The following GALNT1 variants were observed in gnomAD, a reference collection of about 807,000 sequenced individuals.
The protein encoded by GALNT1 is GalNAc transferase 1.
GALNT1 carries 17 observed loss-of-function variants against 65.7 expected under a neutral mutation model. The observed-to-expected ratio is 0.26, with a 90% CI of 0.18 to 0.39. GALNT1 has a LOEUF of 0.39. Among genes scored for constraint, GALNT1 ranks in the 10% least tolerant of loss-of-function variants. The pLI is 1.00. For synonymous variants in GALNT1, 210 were observed against 219.7 expected, an observed-to-expected ratio of 0.96 and a Z score of 0.39; for missense variants, 460 against 672.8, an observed-to-expected ratio of 0.68 and a Z score of 3.50.
At chr18:35,679,041 A>G (rs538173582) in intron 4 of GALNT1, among the ~76,000 whole-genome samples, 46 of 152,342 alleles carry the variant, frequency 3.0e-4, no homozygotes, top group Non-Finnish European at 5.9e-4. Context: ...TTTAAATAGT[A>G]TAATACATTA....
At chr18:35,696,338 AC>A (rs1317673553) in intron 9 of GALNT1, among the ~76,000 whole-genome samples, 1 of 152,216 alleles carries the variant, frequency 6.6e-6, no homozygotes, top group Non-Finnish European at 1.5e-5. Context: ...GTCCAGGGAA[AC>A]CTGAAATCAT....
At chr18:35,700,224 T>A (rs1223865168) in intron 9 of GALNT1, among the ~76,000 whole-genome samples, 1 of 152,218 alleles carries the variant, frequency 6.6e-6, no homozygotes, top group African/African-American at 2.4e-5. Flanking sequence ...GGGACCCACC[T>A]GGAGAGCAGA....
chr18:35,598,014 C>A (rs200685666), intron 1 of GALNT1, among the ~76,000 whole-genome samples: 3 of 68,852 alleles, frequency 4.4e-5, no homozygotes, highest in African/African-American at 1.1e-4. Flanking sequence ...CTCCCCTCCC[C>A]TCCCCTCCAA....
chr18:35,704,293 G>T (rs1006168053), intron 11 of GALNT1, among the ~76,000 whole-genome samples: 14 of 148,592 alleles, frequency 9.4e-5, no homozygotes, highest in Non-Finnish European at 8.9e-5. Context: ...AAGGCATTTA[G>T]TGCCACTAAA....
chr18:35,683,451 T>A lies in GALNT1; in HGVS notation c.542T>A (p.Ile181Asn). Residue 181 changes from isoleucine to asparagine, a missense_variant, in exon 5 of 12, where the codon ATT becomes AAT. Transcript: ENST00000269195. ...VKKLKVPVHV[I>N]RMEQRSGLIR... is the part of the protein sequence containing the mutation. ...AAACTAAAAGTACCAGTTCATGTAATTCGAATGGAACAACGTTCTGGATTG... is the reference window on the plus strand; with the variant it reads ...AAACTAAAAGTACCAGTTCATGTAAATCGAATGGAACAACGTTCTGGATTG... 1 of 1,613,826 alleles carries A rather than the reference T, an allele frequency of 6.2e-7. No homozygotes were observed. The highest frequency in any genetic ancestry group is 8.5e-7 in the Non-Finnish European group (1 of 1,179,858).
In GALNT1 at chr18:35,687,187, G is replaced by GTAAT; in HGVS notation, c.860+7_860+10dup. The GTAAT allele has an allele frequency of 6.2e-7, 1 of 1,610,050 alleles. No individual in the cohort carries two copies. The highest frequency in any genetic ancestry group is 8.5e-7 in the Non-Finnish European group (1 of 1,178,318). ...AAGGTGATCGGACTCTTCCTGTCAG[G>GTAAT]TAATTAATTTGTCAGACATTTTGCC... On this transcript the variant is annotated splice_donor_variant, in intron 6 of 11. Transcript: ENST00000269195. LOFTEE classifies it high-confidence loss of function.
At chr18:35,609,137 A>ATT (rs1270415124) in intron 1 of GALNT1, among the ~76,000 whole-genome samples, 9 of 152,168 alleles carry the variant, frequency 5.9e-5, no homozygotes, top group Admixed American at 5.2e-4. Context: ...GTCTGTGTTT[A>ATT]TTGACCTAGC....
At chr18:35,592,805 T>C (rs1187518952) in intron 1 of GALNT1, among the ~76,000 whole-genome samples, 1 of 152,184 alleles carries the variant, frequency 6.6e-6, no homozygotes, top group Non-Finnish European at 1.5e-5. Flanking sequence ...CAGCAAGCTC[T>C]TCTGGCCTTC....
intron 1 of GALNT1, among the ~76,000 whole-genome samples, chr18:35,652,615 C>T (rs1252003573): frequency 6.6e-6 from 1 of 152,062 alleles, no homozygotes; most frequent in African/African-American, 2.4e-5. Flanking sequence ...TGATTTAGTC[C>T]GTATTTCCTT....
chr18:35,615,246 G>A (rs1020990129), intron 1 of GALNT1, among the ~76,000 whole-genome samples: 43 of 152,124 alleles, frequency 2.8e-4, no homozygotes, highest in Non-Finnish European at 2.2e-4. Flanking sequence ...GACAAGCATA[G>A]ACAAATAGAT....
At chr18:35,606,309 T>C (rs534293338) in intron 1 of GALNT1, among the ~76,000 whole-genome samples, 2 of 152,322 alleles carry the variant, frequency 1.3e-5, no homozygotes, top group East Asian at 1.9e-4. Flanking sequence ...TGCAAACTTA[T>C]CATGTATTGG....
intron 1 of GALNT1, 146 bp downstream of exon 1, chr18:35,582,008 G>A (rs1271556575): frequency 6.6e-5 from 10 of 152,122 alleles, no homozygotes; most frequent in Middle Eastern, 3.4e-3. Flanking sequence ...CACGCTCGGC[G>A]CGGGTTCGGG....
intron 1 of GALNT1, among the ~76,000 whole-genome samples, chr18:35,645,010 A>T (rs1218098366): frequency 6.6e-6 from 1 of 151,716 alleles, no homozygotes; most frequent in Non-Finnish European, 1.5e-5. Flanking sequence ...AAATAAGTAA[A>T]TGAATAAATA....
At chr18:35,608,684 CAAG>C (rs904933386) in intron 1 of GALNT1, among the ~76,000 whole-genome samples, 67 of 152,252 alleles carry the variant, frequency 4.4e-4, no homozygotes, top group African/African-American at 1.4e-3. Flanking sequence ...TCTTTTCCCT[CAAG>C]GAGCTCACAG....
At chr18:35,645,511 T>G (rs2047219756) in intron 1 of GALNT1, among the ~76,000 whole-genome samples, 1 of 152,188 alleles carries the variant, frequency 6.6e-6, no homozygotes, top group South Asian at 2.1e-4. Flanking sequence ...ATTATAGGCG[T>G]GAGCTGCCGC....
chr18:35,614,548 C>G (rs548264578), intron 1 of GALNT1, among the ~76,000 whole-genome samples: 1 of 152,140 alleles, frequency 6.6e-6, no homozygotes, highest in East Asian at 1.9e-4. Flanking sequence ...TATAAAGATG[C>G]CCACTGTTAC....
At chr18:35,662,507 C>A (rs1449492176) in intron 2 of GALNT1, among the ~76,000 whole-genome samples, 2 of 150,222 alleles carry the variant, frequency 1.3e-5, no homozygotes, top group Non-Finnish European at 2.9e-5. Context: ...GTACCACTGG[C>A]TGAAACAATC....
chr18:35,692,264 C>G lies in GALNT1; in HGVS notation c.1243C>G (p.Leu415Val). Reference protein sequence around the residue: ...KLQCKPFSWYLENIYPDSQIP... With the variant: ...KLQCKPFSWYVENIYPDSQIP... The stretch of plus-strand genomic sequence containing the variant: ...ACAATGCAAACCTTTTTCCTGGTAC[C>G]TAGAGAATATATATCCTGATTCTCA... The change falls in exon 9 of 12, where the codon CTA becomes GTA. Residue 415 changes from leucine to valine, a missense_variant. Coordinates refer to ENST00000269195, the MANE Select transcript of GALNT1 (RefSeq NM_020474.4). 1 of 1,604,174 alleles carries G rather than the reference C, an allele frequency of 6.2e-7. No homozygotes were observed. Among genetic ancestry groups the G allele is most frequent in the Non-Finnish European group, 8.5e-7 (1 of 1,171,670 alleles).
intron 1 of GALNT1, among the ~76,000 whole-genome samples, chr18:35,595,702 AT>A (rs1187899744): frequency 6.1e-5 from 9 of 148,286 alleles, no homozygotes; most frequent in African/African-American, 1.3e-4. Context: ...AATAGTGGCA[AT>A]TTTTTTTTCT....
Sources: allele counts gnomAD v4.1 joint callset (sites outside exome capture counted in the v4.1 genomes callset), GRCh38; gene constraint gnomAD v4.1.1; transcripts MANE v1.5; gene names NCBI Gene and HGNC (gene_info 2026-07-23, HGNC 2026-07-21).